The following GMDS variants were observed in gnomAD, a reference collection of about 807,000 sequenced individuals.
GMDS encodes GDP-mannose 4,6 dehydratase.
In GMDS, 20 loss-of-function variants were observed where a neutral mutation model predicts 49.9. The observed-to-expected ratio is 0.40, with a 90% confidence interval of 0.28 to 0.58. GMDS has a LOEUF of 0.58. Ranked by LOEUF, GMDS falls within the 20% of genes least tolerant of loss-of-function variation. The pLI, the probability that GMDS is intolerant of heterozygous loss-of-function variation, is 0.42. For synonymous variants in GMDS, 177 were observed against 178.6 expected (o/e 0.99, Z 0.07); for missense variants, 362 against 481.4 (o/e 0.75, Z 2.32).
At chr6:1,643,246 G>C (rs549502977) in intron 9 of GMDS, among the ~76,000 whole-genome samples, 4 of 152,284 alleles carry the variant, frequency 2.6e-5, no homozygotes, top group South Asian at 2.1e-4. Context: ...AGACAAGTGT[G>C]GGGGGCAGGG....
chr6:2,126,620 C>T (rs189917071), intron 1 of GMDS, among the ~76,000 whole-genome samples: 2 of 152,210 alleles, frequency 1.3e-5, no homozygotes, highest in East Asian at 3.9e-4. Context: ...TCATTAAAAC[C>T]TAGAGCAGAT....
chr6:2,194,129 C>G (rs1779178751), intron 1 of GMDS, among the ~76,000 whole-genome samples: 1 of 152,082 alleles, frequency 6.6e-6, no homozygotes, highest in Non-Finnish European at 1.5e-5. Context: ...CTCAGGAAAT[C>G]CTGGCTTAAT....
chr6:2,061,219 T>C (rs1771142835), intron 4 of GMDS, among the ~76,000 whole-genome samples: 1 of 151,986 alleles, frequency 6.6e-6, no homozygotes, highest in African/African-American at 2.4e-5. Context: ...CTGGAAACCC[T>C]TGCAAACAGA....
At chr6:1,997,150 G>C (rs1380919766) in intron 4 of GMDS, among the ~76,000 whole-genome samples, 1 of 152,004 alleles carries the variant, frequency 6.6e-6, no homozygotes, top group African/African-American at 2.4e-5. Context: ...AGCAAAGTTG[G>C]TTCTGATAAC....
At chr6:2,045,134 A>C (rs915745725) in intron 4 of GMDS, among the ~76,000 whole-genome samples, 2 of 152,086 alleles carry the variant, frequency 1.3e-5, no homozygotes, top group Non-Finnish European at 2.9e-5. Context: ...TTAATAATTT[A>C]TATTTTCCTA....
chr6:2,125,684 A>G (rs1415683385), intron 1 of GMDS, among the ~76,000 whole-genome samples: 2 of 152,126 alleles, frequency 1.3e-5, no homozygotes, highest in South Asian at 4.1e-4. Flanking sequence ...TGGAGAGGAA[A>G]AGACTCCATG....
intron 9 of GMDS, chr6:1,679,933 A>G (rs1226638213): frequency 6.6e-6 from 1 of 152,244 alleles, no homozygotes; most frequent in Non-Finnish European, 1.5e-5. Flanking sequence ...TCTCCTGGAG[A>G]CAAGGAAAAA....
intron 1 of GMDS, among the ~76,000 whole-genome samples, chr6:2,141,948 G>A (rs761457481): frequency 3.5e-5 from 5 of 144,926 alleles, no homozygotes; most frequent in African/African-American, 5.2e-5. Flanking sequence ...CCTTCTCTCC[G>A]ACCCCGCTCC....
At chr6:2,128,230 G>A (rs911594531) in intron 1 of GMDS, among the ~76,000 whole-genome samples, 3 of 150,210 alleles carry the variant, frequency 2.0e-5, no homozygotes, top group Non-Finnish European at 4.4e-5. Context: ...GCTGGAGTGC[G>A]ATAGTGCAAT....
At position 2,131,473 on chromosome 6, in the gene GMDS, C is replaced by T. The variant is rs549665733; in HGVS notation, c.103-6742G>A. 3.7e-4 allele frequency among the ~76,000 whole-genome samples: 56 copies of T among 152,266 alleles called. No homozygotes were observed. In the South Asian group the frequency reaches 0.011, roughly 30 times the overall value. On this transcript the variant is annotated intron_variant, in intron 1 of 10. Coordinates refer to ENST00000380815, the MANE Select transcript of GMDS (RefSeq NM_001500.4). ...CAGTCCCCAACTTACGATGGATCCA[C>T]CTACAATTCTTCAACTCTATGATGG...
At chr6:2,215,591 C>T (rs1176164676) in intron 1 of GMDS, among the ~76,000 whole-genome samples, 3 of 151,046 alleles carry the variant, frequency 2.0e-5, no homozygotes, top group East Asian at 2.0e-4. Flanking sequence ...ACAGCCAAAC[C>T]ATATCAGTGG....
At chr6:1,714,915 T>C (rs1766119049) in intron 9 of GMDS, among the ~76,000 whole-genome samples, 1 of 152,248 alleles carries the variant, frequency 6.6e-6, no homozygotes, top group South Asian at 2.1e-4. Context: ...GGCTGTAATA[T>C]GGCATCACCA....
intron 7 of GMDS, among the ~76,000 whole-genome samples, chr6:1,816,722 A>G (rs567774025): frequency 6.6e-6 from 1 of 152,322 alleles, no homozygotes; most frequent in African/African-American, 2.4e-5. Flanking sequence ...TGTAAAGTTT[A>G]GTGTATTTCT....
intron 9 of GMDS, among the ~76,000 whole-genome samples, chr6:1,710,780 G>C (rs530107935): frequency 6.6e-6 from 1 of 152,202 alleles, no homozygotes; most frequent in Non-Finnish European, 1.5e-5. Context: ...CTTGCAGGGC[G>C]GGGGTGTGAA....
intron 7 of GMDS, among the ~76,000 whole-genome samples, chr6:1,744,758 C>T (rs1767414138): frequency 6.6e-6 from 1 of 152,222 alleles, no homozygotes; most frequent in African/African-American, 2.4e-5. Flanking sequence ...GTGAAATTCC[C>T]GCGGCCTGGA....
intron 4 of GMDS, among the ~76,000 whole-genome samples, chr6:1,962,350 G>A (rs1159386770): frequency 2.0e-5 from 3 of 152,194 alleles, no homozygotes; most frequent in Non-Finnish European, 4.4e-5. Flanking sequence ...TCATACAATA[G>A]GTGGTTTTTA....
chr6:2,244,197 C>G (rs1338693314), intron 1 of GMDS, among the ~76,000 whole-genome samples: 1 of 152,056 alleles, frequency 6.6e-6, no homozygotes, highest in Non-Finnish European at 1.5e-5. Flanking sequence ...CACTAGAGAA[C>G]TTTGAGAGTG....
intron 7 of GMDS, among the ~76,000 whole-genome samples, chr6:1,810,582 T>G (rs1011035048): frequency 5.9e-4 from 89 of 151,954 alleles, no homozygotes; most frequent in African/African-American, 2.0e-3. Context: ...CACACCTGGC[T>G]GAAAGGAGCA....
At chr6:1,651,942 C>T (rs1184793508) in intron 9 of GMDS, among the ~76,000 whole-genome samples, 1 of 113,520 alleles carries the variant, frequency 8.8e-6, no homozygotes, top group African/African-American at 3.4e-5. Flanking sequence ...CGGGTGTCTC[C>T]TGCACTGGCA....
Sources: allele counts gnomAD v4.1 joint callset (sites outside exome capture counted in the v4.1 genomes callset), GRCh38; gene constraint gnomAD v4.1.1; transcripts MANE v1.5; gene names NCBI Gene and HGNC (gene_info 2026-07-23, HGNC 2026-07-21).